DENND2B: variants seen among roughly 807,000 people sequenced by gnomAD.
DENND2B encodes the protein DENN domain containing 2B, also known as DENN domain-containing protein 2B.
A neutral mutation model predicts 116.0 loss-of-function variants in DENND2B; 32 were observed. That is an observed-to-expected ratio of 0.28 (90% confidence interval 0.21 to 0.37). The LOEUF (loss-of-function observed/expected upper bound fraction) is 0.37. Among genes scored for constraint, DENND2B ranks in the 10% least tolerant of loss-of-function variants. The pLI is 1.00. For synonymous variants in DENND2B, 588 were observed against 583.9 expected (o/e 1.01, Z -0.10); for missense variants, 1,276 against 1,477.7 (o/e 0.86, Z 2.24).
At chr11:8,697,233 G>C (rs754120799) in intron 17 of DENND2B, among the ~76,000 whole-genome samples, 1 of 152,240 alleles carries the variant, frequency 6.6e-6, no homozygotes, top group Non-Finnish European at 1.5e-5. Context: ...TGATTTTTCT[G>C]GCTTCCAAGG....
chr11:8,769,412 A>C (rs936147688), intron 1 of DENND2B, among the ~76,000 whole-genome samples: 14 of 151,404 alleles, frequency 9.2e-5, no homozygotes, highest in African/African-American at 3.4e-4. Flanking sequence ...GAGGCATACC[A>C]CCACTCCCAG....
At chr11:8,832,655 T>C (rs1287532458) in intron 4 of DENND2B, 3 of 152,432 alleles carry the variant, frequency 2.0e-5, no homozygotes, top group African/African-American at 7.2e-5. Flanking sequence ...GAGGCAGAGT[T>C]GGGCAGAAAG....
chr11:8,804,110 C>CA (rs1174116727), intron 1 of DENND2B, among the ~76,000 whole-genome samples: 1 of 152,232 alleles, frequency 6.6e-6, no homozygotes, highest in Non-Finnish European at 1.5e-5. Context: ...GCTGGGTTGA[C>CA]AAGGACTACC....
At chr11:8,716,657 T>C (rs1050923820) in intron 5 of DENND2B, among the ~76,000 whole-genome samples, 8 of 152,172 alleles carry the variant, frequency 5.3e-5, no homozygotes, top group South Asian at 2.1e-4. Context: ...AATCTTTTTT[T>C]TTTTTTTTGA....
rs1592390644 is a variant in DENND2B at position 8,702,518 on chromosome 11, T to C, written c.2720+54A>G. 1 of 1,602,986 alleles carries C rather than the reference T, an allele frequency of 6.2e-7. No homozygotes were observed. Among genetic ancestry groups the C allele is most frequent in the Non-Finnish European group, 8.5e-7 (1 of 1,179,296 alleles). On this transcript the variant is annotated intron_variant, in intron 14 of 19. Coordinates refer to ENST00000313726, the MANE Select transcript of DENND2B (RefSeq NM_213618.2). This position sits in a 1 kb window ranked among gnomAD's most constrained non-coding sequence, Gnocchi z 4.6. ...GGCTCCTGAACACTTGCTGATTCGC[T>C]TGTGGGTGTGCCTTCCCCCCTCCCT...
chr11:8,779,467 G>T (rs59279926), intron 1 of DENND2B, among the ~76,000 whole-genome samples: 2,805 of 151,716 alleles, frequency 0.018, 88 homozygotes, highest in African/African-American at 0.064. Context: ...TCTGCCAAAA[G>T]CATGCTCGGG....
chr11:8,702,875 C>T lies in DENND2B; in HGVS notation c.2572-155G>A. On this transcript the variant is annotated intron_variant, in intron 13 of 19. Coordinates refer to ENST00000313726, the MANE Select transcript of DENND2B (RefSeq NM_213618.2). The surrounding 1 kb of genome is among the most constrained non-coding windows in gnomAD (Gnocchi z 4.6). Reference sequence around the variant, plus strand: ...TATGCAGTAAACCCCTCTTCTCCATCCCTCGGACTACAGCTCTGCTCTCGT... The same window carrying T: ...TATGCAGTAAACCCCTCTTCTCCATTCCTCGGACTACAGCTCTGCTCTCGT... The T allele has an allele frequency of 2.2e-6, 2 of 891,360 alleles. No individual in the cohort carries two copies. The highest frequency in any genetic ancestry group is 5.3e-5 in the East Asian group (2 of 37,458). The allele number at this position is 891,360 out of a possible 1,614,324, so 55.2% of individuals were successfully genotyped here.
intron 1 of DENND2B, among the ~76,000 whole-genome samples, chr11:8,763,175 T>C (rs187197194): frequency 4.7e-4 from 71 of 152,294 alleles, no homozygotes; most frequent in African/African-American, 1.4e-3. Context: ...ATGCAAATTA[T>C]AACTGAGATG....
Position 8,711,114 on chromosome 11 carries a change from G to A in DENND2B, c.2282+8C>T. On this transcript the variant is annotated splice_region_variant and intron_variant, in intron 10 of 19. Coordinates refer to ENST00000313726, the MANE Select transcript of DENND2B (RefSeq NM_213618.2). ...CTCCTTCCTCCCTCAGGCCAGGCCA[G>A]GCCTCACCTGCTATACTCTGACACA... 1 of 1,613,592 alleles carries A rather than the reference G, an allele frequency of 6.2e-7. No individual in the cohort carries two copies. The highest frequency in any genetic ancestry group is 8.5e-7 in the Non-Finnish European group (1 of 1,179,558).
chr11:8,734,970 G>T (rs2048753246), intron 2 of DENND2B, among the ~76,000 whole-genome samples: 1 of 118,522 alleles, frequency 8.4e-6, no homozygotes, highest in African/African-American at 3.2e-5. Context: ...TGGTCAGTTT[G>T]CCACTGTCAA....
At chr11:8,721,963 A>G (rs2046268069) in intron 4 of DENND2B, among the ~76,000 whole-genome samples, 1 of 152,178 alleles carries the variant, frequency 6.6e-6, no homozygotes. Context: ...CACTCCACAT[A>G]ATTCCTTAAC....
intron 1 of DENND2B, among the ~76,000 whole-genome samples, chr11:8,897,201 A>G (rs1029518766): frequency 6.6e-5 from 10 of 152,174 alleles, no homozygotes; most frequent in Admixed American, 2.6e-4. Flanking sequence ...AGGTTACAGT[A>G]AGCAGAGATT....
intron 4 of DENND2B, among the ~76,000 whole-genome samples, chr11:8,819,787 C>G (rs183099597): frequency 6.6e-6 from 1 of 152,122 alleles, no homozygotes; most frequent in Non-Finnish European, 1.5e-5. Context: ...ACTAAGGAGA[C>G]GCAGCAACTA....
intron 19 of DENND2B, chr11:8,694,445 C>A: frequency 2.2e-6 from 1 of 450,618 alleles, no homozygotes; most frequent in Non-Finnish European, 4.2e-6. Flanking sequence ...GCAGGAAGGG[C>A]ACTCGCACTG....
chr11:8,836,113 C>T (rs545787290), intron 4 of DENND2B, among the ~76,000 whole-genome samples: 59 of 147,660 alleles, frequency 4.0e-4, no homozygotes, highest in Non-Finnish European at 5.6e-4. Flanking sequence ...TTTGGGAGGC[C>T]GAGGTTGGTG....
rs113041293 is a variant in DENND2B, at chr11:8,890,354, C to T, written c.-255-9245G>A. Among the ~76,000 whole-genome samples, 398 of 152,270 alleles carry T rather than the reference C, an allele frequency of 2.6e-3. 3 individuals carry two copies. The highest frequency in any genetic ancestry group is 9.1e-3 in the African/African-American group (379 of 41,544). On this transcript the variant is annotated intron_variant, in intron 1 of 22. Transcript: ENST00000534127. ...GAGCACATCTCCCCCTCCAAAGGAA[C>T]GAAGCTCCTCGCCAGCAACAGAACA...
chr11:8,857,940 G>A (rs2063252885), intron 2 of DENND2B, among the ~76,000 whole-genome samples: 1 of 152,156 alleles, frequency 6.6e-6, no homozygotes, highest in South Asian at 2.1e-4. Context: ...TTCAAAGTCT[G>A]CAGGTCCTCC....
chr11:8,871,766 G>C (rs149315852), upstream of DENND2B, among the ~76,000 whole-genome samples: 1 of 152,122 alleles, frequency 6.6e-6, no homozygotes, highest in Non-Finnish European at 1.5e-5. Flanking sequence ...AACTAGAAAA[G>C]GGTGCCATTT....
At chr11:8,868,083 T>C (rs2653567) in intron 2 of DENND2B, among the ~76,000 whole-genome samples, 83,611 of 151,872 alleles carry the variant, frequency 0.55, 23,181 homozygotes, top group Middle Eastern at 0.74. Flanking sequence ...TTGATCCACA[T>C]ACACATTCCA....
Sources: allele counts gnomAD v4.1 joint callset (sites outside exome capture counted in the v4.1 genomes callset), GRCh38; gene constraint gnomAD v4.1.1; non-coding constraint Gnocchi (gnomAD v3.1); transcripts MANE v1.5; gene names NCBI Gene and HGNC (gene_info 2026-07-23, HGNC 2026-07-21).